The following HGSNAT variants were observed in gnomAD, a reference collection of about 807,000 sequenced individuals.
HGSNAT encodes transmembrane protein 76.
Under a neutral mutation model 85.2 loss-of-function variants are expected in HGSNAT, and 59 were observed. The ratio of observed to expected loss-of-function variants is 0.69; its 90% confidence interval spans 0.56 to 0.86. The LOEUF is 0.86. Ranked by LOEUF, HGSNAT falls within the 40% of genes least tolerant of loss-of-function variation. The pLI is 0.00. For synonymous variants in HGSNAT, 321 were observed against 304.5 expected, an observed-to-expected ratio of 1.05 and a Z score of -0.56; for missense variants, 756 against 777.1, an observed-to-expected ratio of 0.97 and a Z score of 0.32.
At position 43,197,833 on chromosome 8, in the gene HGSNAT, C is replaced by T. The variant is rs1188561491; in HGVS notation, c.1614-7C>T. On this transcript the variant is annotated splice_region_variant and splice_polypyrimidine_tract_variant and intron_variant, in intron 16 of 17. Transcript: ENST00000379644. ...GAGCACTGAAACGTCTCCTCCACCC[C>T]TCCCAGGTCCCTTTCGTATGTCACT... The T allele has an allele frequency of 4.3e-6, 7 of 1,611,634 alleles. No individual in the cohort carries two copies. The South Asian group carries it at 5.5e-5, about 13-fold the overall frequency.
At position 43,201,479 on chromosome 8, in the gene HGSNAT, T is replaced by G. The variant is rs1804915800; in HGVS notation, c.*1910T>G. The G allele has an allele frequency of 6.6e-6, 1 of 152,288 alleles. No homozygotes were observed. Among genetic ancestry groups the G allele is most frequent in the East Asian group, 1.9e-4 (1 of 5,182 alleles). The allele number at this position is 152,288 out of a possible 1,614,324, so 9.4% of individuals were successfully genotyped here. ...AAGTACCTCCTGCTTCTGGTTTTAA[T>G]TAGAGCCTTCCCCGATTACATTTTC... On this transcript the variant is annotated 3_prime_UTR_variant, in exon 18 of 18. Transcript: ENST00000379644. The surrounding 1 kb of genome is among the most constrained non-coding windows in gnomAD (Gnocchi z 4.4).
In HGSNAT at chr8:43,191,513, TG is replaced by T. The variant is rs748387885; in HGVS notation, c.1170del (p.Trp390CysfsTer17). 6 of 1,613,856 alleles carry T rather than the reference TG, an allele frequency of 3.7e-6. No individual in the cohort carries two copies. The African/African-American group carries it at 6.7e-5, about 18-fold the overall frequency. ...CLSLRDITSSWPQWLLILVLE... is the reference protein window; with the variant it reads ...CLSLRDITSSXPQWLLILVLE... ...TTCTCTTCGAGACATCACGTCCAGCTGGCCCCAGTGGCTGCTCATCCTGGTG... is the reference window on the plus strand; with the variant it reads ...TTCTCTTCGAGACATCACGTCCAGCTGCCCCAGTGGCTGCTCATCCTGGTG... On this transcript the variant is annotated frameshift_variant, in exon 12 of 18. Coordinates refer to ENST00000379644, the MANE Select transcript of HGSNAT (RefSeq NM_152419.3). LOFTEE classifies it high-confidence loss of function.
chr8:43,145,549 G>A (rs982763320), intron 1 of HGSNAT, among the ~76,000 whole-genome samples: 1 of 152,062 alleles, frequency 6.6e-6, no homozygotes, highest in African/African-American at 2.4e-5. Context: ...TCAAGAGATC[G>A]AGACCATCCT....
At chr8:43,172,034 T>C (rs536036981) in intron 7 of HGSNAT, among the ~76,000 whole-genome samples, 5 of 152,360 alleles carry the variant, frequency 3.3e-5, no homozygotes, top group Non-Finnish European at 7.3e-5. Flanking sequence ...TTTGCAATGT[T>C]TTCAAGTTAC....
intron 5 of HGSNAT, among the ~76,000 whole-genome samples, chr8:43,163,799 A>C (rs1319110454): frequency 6.6e-6 from 1 of 152,194 alleles, no homozygotes; most frequent in Non-Finnish European, 1.5e-5. Flanking sequence ...TACAGGCGTG[A>C]GCCACCATGC....
At position 43,197,692 on chromosome 8, in the gene HGSNAT, G is replaced by T. The variant is rs770434274; in HGVS notation, c.1563G>T (p.Leu521=). The change falls in exon 16 of 18, where the codon CTG becomes CTT. Residue 521 remains leucine (L), a synonymous_variant. Coordinates refer to ENST00000379644, the MANE Select transcript of HGSNAT (RefSeq NM_152419.3). ...TACAGGGGCTCATTTCTGTTGCTCT[G>T]ACGAAGGTTTCTGAAAATGAAGGCT... is the stretch of plus-strand genomic sequence containing the variant. ...CCILGLISVA[L]TKVSENEGFI... 2 of 1,613,144 alleles carry T rather than the reference G, an allele frequency of 1.2e-6. No homozygotes were observed. The highest frequency in any genetic ancestry group is 2.2e-5 in the East Asian group (1 of 44,892).
intron 11 of HGSNAT, 60 bp from the exon 12 acceptor site, chr8:43,191,414 C>T: frequency 1.3e-6 from 2 of 1,587,978 alleles, no homozygotes; most frequent in South Asian, 2.2e-5. Context: ...AAGACATGTG[C>T]TTAGTTCCCT....
intron 11 of HGSNAT, among the ~76,000 whole-genome samples, chr8:43,190,458 G>A (rs1804489673): frequency 6.6e-6 from 1 of 152,094 alleles, no homozygotes; most frequent in South Asian, 2.1e-4. Context: ...CTCTGCCCTT[G>A]TCATTAATGT....
At chr8:43,182,075 CAAAT>C in intron 10 of HGSNAT, 66 bp from the exon 11 acceptor site, 2 of 1,187,202 alleles carry the variant, frequency 1.7e-6, no homozygotes, top group African/African-American at 1.5e-5. Context: ...CTTTAGGAAA[CAAAT>C]AATGTTGTCC....
rs1802480852 is a variant in HGSNAT, at chr8:43,140,555, C to T, written c.59C>T (p.Ala20Val). 1 of 1,198,752 alleles carries T rather than the reference C, an allele frequency of 8.3e-7. No homozygotes were observed. The highest frequency in any genetic ancestry group is 1.6e-5 in the African/African-American group (1 of 62,046). 74.3% of individuals were successfully genotyped at this position (1,198,752 alleles called of 1,614,324 possible). The stretch of plus-strand genomic sequence containing the variant: ...CTGCTGGCCGCGTCCGTGCTGAGCG[C>T]CGCGCTGCTGGCCCCCGGCGGCTCT... ...ALLLAASVLS[A>V]ALLAPGGSSG... Residue 20 changes from alanine (A) to valine (V), a missense_variant, in exon 1 of 18, where the codon GCC becomes GTC. Transcript: ENST00000379644.
chr8:43,194,804 C>G (rs1206884820), intron 14 of HGSNAT, among the ~76,000 whole-genome samples: 1 of 152,166 alleles, frequency 6.6e-6, no homozygotes, highest in Admixed American at 6.5e-5. Context: ...AAGAGAAGCC[C>G]CAGAGACCTG....
chr8:43,161,391 C>A, intron 4 of HGSNAT, 47 bp from the exon 5 acceptor site: 1 of 1,450,940 alleles, frequency 6.9e-7, no homozygotes, highest in Non-Finnish European at 9.7e-7. Flanking sequence ...CTTTGATGTT[C>A]ATGATGACAT....
chr8:43,195,189 G>T (rs1480861366), intron 14 of HGSNAT, among the ~76,000 whole-genome samples: 1 of 152,042 alleles, frequency 6.6e-6, no homozygotes, highest in East Asian at 1.9e-4. Flanking sequence ...GGGGCATGGG[G>T]ACACTGTCCC....
intron 14 of HGSNAT, among the ~76,000 whole-genome samples, chr8:43,195,640 A>G: frequency 7.1e-6 from 1 of 139,996 alleles, no homozygotes. Context: ...GTGGAGGAAG[A>G]GGAGGAGGAG....
chr8:43,144,523 T>C (rs893807390), intron 1 of HGSNAT, among the ~76,000 whole-genome samples: 6 of 151,990 alleles, frequency 3.9e-5, no homozygotes, highest in African/African-American at 1.2e-4. Context: ...TGACCCTTAA[T>C]TTATTGGTGA....
chr8:43,156,960 A>T (rs549152798), intron 2 of HGSNAT, among the ~76,000 whole-genome samples: 1 of 152,158 alleles, frequency 6.6e-6, no homozygotes, highest in African/African-American at 2.4e-5. Context: ...TGTTTTTTTT[A>T]ATCCTTTCAA....
intron 5 of HGSNAT, among the ~76,000 whole-genome samples, chr8:43,163,215 C>A (rs117784838): frequency 0.017 from 2,646 of 152,156 alleles, 46 homozygotes; most frequent in Non-Finnish European, 0.027. Context: ...TAGCTGAGAT[C>A]AAGCATTTTC....
chr8:43,182,546 C>T (rs1307307596), intron 11 of HGSNAT: 4 of 418,900 alleles, frequency 9.5e-6, no homozygotes, highest in East Asian at 5.2e-5. Context: ...CAGGCTTAAG[C>T]GATCCTCCCT....
chr8:43,145,044 T>C (rs1129987), intron 1 of HGSNAT, among the ~76,000 whole-genome samples: 113,295 of 152,108 alleles, frequency 0.74, 44,428 homozygotes, highest in Non-Finnish European at 0.87. Context: ...GTATGCAGCC[T>C]CACAGCTAAG....
Sources: allele counts gnomAD v4.1 joint callset (sites outside exome capture counted in the v4.1 genomes callset), GRCh38; gene constraint gnomAD v4.1.1; non-coding constraint Gnocchi (gnomAD v3.1); transcripts MANE v1.5; gene names NCBI Gene and HGNC (gene_info 2026-07-23, HGNC 2026-07-21).